The following DNAJC8 variants were observed in gnomAD, a reference collection of about 807,000 sequenced individuals.
DNAJC8 encodes the protein dnaJ homolog subfamily C member 8.
A neutral mutation model predicts 43.2 loss-of-function variants in DNAJC8; 24 were observed. The ratio of observed to expected loss-of-function variants is 0.56; its 90% CI spans 0.40 to 0.78. The LOEUF (loss-of-function observed/expected upper bound fraction) is 0.78. DNAJC8 is among the 30% of genes least tolerant of loss of function. The pLI, the probability that DNAJC8 is intolerant of heterozygous loss-of-function variation, is 0.00. For missense variants in DNAJC8, 207 were observed against 299.4 expected (o/e 0.69, Z 2.28); for synonymous variants, 83 against 98.0 (o/e 0.85, Z 0.90).
intron 1 of DNAJC8, among the ~76,000 whole-genome samples, chr1:28,229,706 A>C (rs934444707): frequency 6.6e-6 from 1 of 151,802 alleles, no homozygotes; most frequent in African/African-American, 2.4e-5. Context: ...CCCCAGGGAC[A>C]GAGGTTGCAG....
At chr1:28,224,448 A>G (rs879682072) in intron 2 of DNAJC8, among the ~76,000 whole-genome samples, 6 of 152,016 alleles carry the variant, frequency 3.9e-5, no homozygotes, top group Admixed American at 3.3e-4. Flanking sequence ...TTTTATTTTT[A>G]GTAGAGACAG....
At position 28,210,082 on chromosome 1, in the gene DNAJC8, G is replaced by T; in HGVS notation, c.305-16C>A. 1 of 1,610,554 alleles carries T rather than the reference G, an allele frequency of 6.2e-7. No individual in the cohort carries two copies. ...TTGTCCACAGCTAATGCAAAACATT[G>T]AAATTAACTGTTTCTGCAAACACCC... is the stretch of plus-strand genomic sequence containing the variant. On this transcript the variant is annotated splice_polypyrimidine_tract_variant and intron_variant, in intron 4 of 8. Coordinates refer to ENST00000263697, the MANE Select transcript of DNAJC8 (RefSeq NM_014280.3).
At chr1:28,202,067 G>T (rs1646737814) in intron 8 of DNAJC8, among the ~76,000 whole-genome samples, 1 of 151,998 alleles carries the variant, frequency 6.6e-6, no homozygotes, top group Non-Finnish European at 1.5e-5. Flanking sequence ...TCCAGCCTGA[G>T]CAACAAGGGC....
At position 28,214,428 on chromosome 1, in the gene DNAJC8, G is replaced by A. The variant is rs528390538; in HGVS notation, c.237+512C>T. Among the ~76,000 whole-genome samples, 137 of 152,226 alleles carry A rather than the reference G, an allele frequency of 9.0e-4. 1 individual carries two copies. Among genetic ancestry groups the A allele is most frequent in the African/African-American group, 3.0e-3 (126 of 41,526 alleles). ...ATGCACTTGTAATACCAGCTACCTGGGAGGCTGAGGCAGGAGAACTGCTTG... is the reference window on the plus strand; with the variant it reads ...ATGCACTTGTAATACCAGCTACCTGAGAGGCTGAGGCAGGAGAACTGCTTG... On this transcript the variant is annotated intron_variant, in intron 3 of 8. Coordinates refer to ENST00000263697, the MANE Select transcript of DNAJC8 (RefSeq NM_014280.3).
intron 5 of DNAJC8, chr1:28,208,614 T>C (rs1557706635): frequency 1.1e-5 from 4 of 365,630 alleles, no homozygotes; most frequent in Admixed American, 4.3e-5. Context: ...GTCCTTTTTC[T>C]AATCTCATCT....
At chr1:28,210,755 A>G in intron 3 of DNAJC8, 118 bp from the exon 4 acceptor site, 2 of 646,248 alleles carry the variant, frequency 3.1e-6, no homozygotes, top group Non-Finnish European at 5.4e-6. Flanking sequence ...GACTCTTAGC[A>G]AAAGCATTTA....
At chr1:28,226,629 T>C (rs894809444) in intron 2 of DNAJC8, among the ~76,000 whole-genome samples, 5 of 151,288 alleles carry the variant, frequency 3.3e-5, no homozygotes, top group Admixed American at 6.6e-5. Context: ...AAAAGTTTCT[T>C]GGGGGGTGAC....
chr1:28,210,468 C>A, intron 4 of DNAJC8, 103 bp downstream of exon 4: 1 of 1,029,804 alleles, frequency 9.7e-7, no homozygotes, highest in Non-Finnish European at 1.5e-6. Flanking sequence ...TCTTGGTGAC[C>A]AGAAGACAAA....
intron 2 of DNAJC8, among the ~76,000 whole-genome samples, chr1:28,217,636 T>A (rs941873957): frequency 6.6e-6 from 1 of 151,834 alleles, no homozygotes; most frequent in Non-Finnish European, 1.5e-5. Flanking sequence ...AAAATATTCA[T>A]AGGAAAACCA....
chr1:28,207,720 G>A (rs988514058), intron 6 of DNAJC8, among the ~76,000 whole-genome samples: 1 of 151,338 alleles, frequency 6.6e-6, no homozygotes, highest in Non-Finnish European at 1.5e-5. Context: ...GGGATTACAG[G>A]CGTGAGCCAC....
chr1:28,200,571 T>G lies in DNAJC8; in HGVS notation c.*677A>C, dbSNP rs1265139978. ...ACATCAATGGCTTGGGTATAAAAAT[T>G]TATTATACATAAAGAATATTACCAC... On this transcript the variant is annotated 3_prime_UTR_variant, in exon 9 of 9. Transcript: ENST00000263697. The G allele has an allele frequency of 8.8e-6, 4 of 456,332 alleles. No individual in the cohort carries two copies. Among genetic ancestry groups the G allele is most frequent in the East Asian group, 6.9e-5 (1 of 14,412 alleles). The allele number at this position is 456,332 out of a possible 1,614,324, so 28.3% of individuals were successfully genotyped here.
At chr1:28,206,043 T>A (rs1448407955) in intron 6 of DNAJC8, among the ~76,000 whole-genome samples, 1 of 151,866 alleles carries the variant, frequency 6.6e-6, no homozygotes, top group African/African-American at 2.4e-5. Context: ...AAATAAAACA[T>A]TAACCAGGTG....
intron 3 of DNAJC8, 140 bp from the exon 4 acceptor site, chr1:28,210,777 A>C: frequency 1.7e-6 from 1 of 577,804 alleles, no homozygotes; most frequent in South Asian, 2.4e-5. Context: ...AAAATTAACA[A>C]ATCTCTTTAA....
rs141687983 is a variant in DNAJC8 at position 28,210,430 on chromosome 1, G to C, written c.304+141C>G. 4,109 of 695,058 alleles carry C rather than the reference G, an allele frequency of 5.9e-3. 17 individuals are homozygous for C. The highest frequency in any genetic ancestry group is 7.4e-3 in the Non-Finnish European group (3,075 of 413,636). The allele number at this position is 695,058 out of a possible 1,614,324, so 43.1% of individuals were successfully genotyped here. The stretch of plus-strand genomic sequence containing the variant: ...AAACAACAACATTCTGCTTTGAAAT[G>C]GCAACTGCTCTACTGAAAACCACAG... On this transcript the variant is annotated intron_variant, in intron 4 of 8. Coordinates refer to ENST00000263697, the MANE Select transcript of DNAJC8 (RefSeq NM_014280.3).
At chr1:28,228,286 T>C (rs1263549907) in intron 2 of DNAJC8, among the ~76,000 whole-genome samples, 1 of 147,330 alleles carries the variant, frequency 6.8e-6, no homozygotes, top group Non-Finnish European at 1.5e-5. Context: ...GAGAAGGAGG[T>C]TGCAGTGGGT....
At chr1:28,206,564 C>T (rs1365038984) in intron 6 of DNAJC8, among the ~76,000 whole-genome samples, 2 of 152,230 alleles carry the variant, frequency 1.3e-5, no homozygotes, top group South Asian at 2.1e-4. Context: ...AATAAGTGAA[C>T]GTAAGTGACC....
intron 2 of DNAJC8, 49 bp downstream of exon 2, chr1:28,228,873 A>T: frequency 6.1e-6 from 9 of 1,470,004 alleles, no homozygotes; most frequent in Non-Finnish European, 8.5e-6. Context: ...GCCTGCAGCT[A>T]TGCAAATCTC....
At chr1:28,206,127 G>A (rs910970269) in intron 6 of DNAJC8, among the ~76,000 whole-genome samples, 3 of 152,126 alleles carry the variant, frequency 2.0e-5, no homozygotes, top group Non-Finnish European at 4.4e-5. Flanking sequence ...AGGAGGTCAA[G>A]GCTGCAGTGA....
chr1:28,226,949 G>T lies in DNAJC8; in HGVS notation c.180+1973C>A, dbSNP rs571030725. On this transcript the variant is annotated intron_variant, in intron 2 of 8. Coordinates refer to ENST00000263697, the MANE Select transcript of DNAJC8 (RefSeq NM_014280.3). The stretch of plus-strand genomic sequence containing the variant: ...CTTCATATAGCCTTATAACTCATTT[G>T]TACTATTCCATTTTCCTCTGTTCCT... 1.8e-4 allele frequency among the ~76,000 whole-genome samples: 27 copies of T among 150,292 alleles called. 2 individuals are homozygous for T. Among genetic ancestry groups the T allele is most frequent in the Non-Finnish European group, 3.3e-4 (22 of 67,536 alleles).
Sources: gnomAD v4.1 joint callset for allele counts (sites outside exome capture counted in the v4.1 genomes callset) on GRCh38, gnomAD v4.1.1 for gene constraint, MANE v1.5 for transcripts, NCBI Gene and HGNC (gene_info 2026-07-23, HGNC 2026-07-21) for gene names.